CRTC3: variants seen among roughly 807,000 people sequenced by gnomAD.
The protein encoded by CRTC3 is CREB-regulated transcription coactivator 3.
CRTC3 carries 26 observed loss-of-function variants against 74.5 expected under a neutral mutation model. The ratio of observed to expected loss-of-function variants is 0.35; its 90% confidence interval spans 0.26 to 0.48. CRTC3 has a LOEUF of 0.48. CRTC3 is among the 20% of genes least tolerant of loss of function. The pLI, the probability that CRTC3 is intolerant of heterozygous loss-of-function variation, is 0.99. For synonymous variants in CRTC3, 377 were observed against 325.8 expected (o/e 1.16, Z -1.69); for missense variants, 760 against 787.3 (o/e 0.97, Z 0.41).
intron 2 of CRTC3, among the ~76,000 whole-genome samples, chr15:90,582,985 T>C (rs1184109644): frequency 1.3e-5 from 2 of 152,136 alleles, no homozygotes; most frequent in Non-Finnish European, 1.5e-5. Context: ...CTGGGCGTGT[T>C]TTATGCATTG....
intron 1 of CRTC3, among the ~76,000 whole-genome samples, chr15:90,539,267 GA>G (rs1393570407): frequency 2.6e-5 from 4 of 152,118 alleles, no homozygotes; most frequent in African/African-American, 2.4e-5. Flanking sequence ...ATTGCTTTTT[GA>G]AAAATGAAGT....
intron 2 of CRTC3, among the ~76,000 whole-genome samples, chr15:90,555,595 G>T (rs1483715684): frequency 6.6e-6 from 1 of 152,008 alleles, no homozygotes; most frequent in Non-Finnish European, 1.5e-5. Flanking sequence ...TTGGCTAACC[G>T]CAACCTCTGC....
intron 2 of CRTC3, among the ~76,000 whole-genome samples, chr15:90,584,091 C>G (rs1228736421): frequency 1.3e-5 from 2 of 152,070 alleles, no homozygotes; most frequent in African/African-American, 4.8e-5. Flanking sequence ...ACAGTTGTTC[C>G]TTTGTTATTT....
At chr15:90,556,958 C>CTA (rs6145675) in intron 2 of CRTC3, among the ~76,000 whole-genome samples, 6,093 of 129,028 alleles carry the variant, frequency 0.047, 155 homozygotes, top group Admixed American at 0.063. Context: ...CACCACATGG[C>CTA]TATATATATA....
intron 11 of CRTC3, among the ~76,000 whole-genome samples, chr15:90,631,745 G>A (rs1969047004): frequency 2.2e-5 from 3 of 137,474 alleles, no homozygotes; most frequent in Non-Finnish European, 3.1e-5. Flanking sequence ...AAAAAAATTA[G>A]AATTAAAAAA....
At chr15:90,622,474 G>A (rs1027961494) in intron 9 of CRTC3, among the ~76,000 whole-genome samples, 11 of 152,142 alleles carry the variant, frequency 7.2e-5, no homozygotes, top group Non-Finnish European at 1.3e-4. Flanking sequence ...CTGCTGTCAC[G>A]TTGAGGGCTC....
intron 2 of CRTC3, among the ~76,000 whole-genome samples, chr15:90,579,469 T>C (rs971775069): frequency 6.6e-5 from 10 of 152,152 alleles, no homozygotes; most frequent in African/African-American, 2.4e-4. Context: ...GGCTGGTTTA[T>C]AGGGAAGGAA....
rs952991894 is a variant in CRTC3, at chr15:90,644,270, T to C, written c.*2130T>C. 3.9e-5 allele frequency: 9 copies of C among 228,988 alleles called. No individual in the cohort carries two copies. Among genetic ancestry groups the C allele is most frequent in the African/African-American group, 6.7e-5 (3 of 45,094 alleles). The allele number at this position is 228,988 out of a possible 1,614,324, so 14.2% of individuals were successfully genotyped here. A position where few individuals can be genotyped will look rare whatever the true frequency, so the allele number is the denominator to read the frequency against. ...AGTCGCAATGCTACCCAGCACCCCA[T>C]GTGCCAAAAGAAACCAGCTCCTGTG... On this transcript the variant is annotated 3_prime_UTR_variant, in exon 15 of 15. Coordinates refer to ENST00000268184, the MANE Select transcript of CRTC3 (RefSeq NM_022769.5).
chr15:90,555,736 G>A (rs993506888), intron 2 of CRTC3, among the ~76,000 whole-genome samples: 4 of 152,016 alleles, frequency 2.6e-5, no homozygotes, highest in African/African-American at 7.2e-5. Flanking sequence ...AGGCTGGTCC[G>A]AAACTCCTGA....
intron 2 of CRTC3, among the ~76,000 whole-genome samples, chr15:90,568,155 C>G (rs1408021856): frequency 2.0e-5 from 3 of 152,142 alleles, no homozygotes; most frequent in African/African-American, 4.8e-5. Flanking sequence ...GAAGTGGAGC[C>G]TGAAGATGTG....
intron 2 of CRTC3, among the ~76,000 whole-genome samples, chr15:90,581,543 A>T (rs565704835): frequency 3.9e-5 from 6 of 152,248 alleles, no homozygotes; most frequent in South Asian, 2.1e-4. Flanking sequence ...TTTGGCATAT[A>T]TGTAGAAGTT....
chr15:90,589,154 T>C (rs1357754666), intron 2 of CRTC3, among the ~76,000 whole-genome samples: 1 of 151,558 alleles, frequency 6.6e-6, no homozygotes, highest in African/African-American at 2.4e-5. Flanking sequence ...CCTCCCGGGT[T>C]CAAGCGATTC....
chr15:90,618,054 A>G, intron 8 of CRTC3, 86 bp downstream of exon 8: 1 of 827,556 alleles, frequency 1.2e-6, no homozygotes, highest in Non-Finnish European at 2.1e-6. Context: ...GGTGAAAGCA[A>G]GAGGAACTGG....
chr15:90,561,972 CT>C (rs1018116984), intron 2 of CRTC3, among the ~76,000 whole-genome samples: 1 of 152,202 alleles, frequency 6.6e-6, no homozygotes, highest in African/African-American at 2.4e-5. Context: ...AATTATTTCC[CT>C]GCTCAAAGGC....
At chr15:90,611,303 G>A (rs765493734) in intron 6 of CRTC3, among the ~76,000 whole-genome samples, 10 of 152,126 alleles carry the variant, frequency 6.6e-5, no homozygotes, top group Non-Finnish European at 1.2e-4. Flanking sequence ...GCACACAGAA[G>A]GAACATGGTC....
chr15:90,592,372 C>T (rs1222422380), intron 2 of CRTC3, among the ~76,000 whole-genome samples: 4 of 152,292 alleles, frequency 2.6e-5, no homozygotes, highest in East Asian at 3.9e-4. Context: ...TTGTCAGTAA[C>T]ACCTTAATGC....
At chr15:90,600,313 GTATT>G (rs1198221512) in intron 3 of CRTC3, 2 of 152,170 alleles carry the variant, frequency 1.3e-5, no homozygotes, top group Non-Finnish European at 2.9e-5. Context: ...TCCAGATTCT[GTATT>G]TATTTGAGCT....
chr15:90,546,771 C>T (rs560773503), intron 2 of CRTC3, among the ~76,000 whole-genome samples: 2 of 152,258 alleles, frequency 1.3e-5, no homozygotes, highest in African/African-American at 2.4e-5. Context: ...TACAGGTGCC[C>T]GCCACCACGC....
In CRTC3 at chr15:90,638,615, C is replaced by T. The variant is rs1161597681; in HGVS notation, c.1436C>T (p.Pro479Leu). Residue 479 changes from proline to leucine, a missense_variant, in exon 12 of 15, where the codon CCA becomes CTA. This residue lies in a region of CRTC3 where 652 missense variants were observed against 635.2 expected (regional missense o/e 1.03). Coordinates refer to ENST00000268184, the MANE Select transcript of CRTC3 (RefSeq NM_022769.5). ...AQQPQAASSL[P>L]QSDFQLLPAQ... ...CAGCCCCAGGCAGCCTCCTCACTGC[C>T]ACAGTCAGACTTTCAGCTTCTCCCG... 6.2e-7 allele frequency: 1 copy of T among 1,613,496 alleles called. No individual in the cohort carries two copies. The highest frequency in any genetic ancestry group is 1.1e-5 in the South Asian group (1 of 91,078).
Sources: allele counts gnomAD v4.1 joint callset (sites outside exome capture counted in the v4.1 genomes callset), GRCh38; gene constraint gnomAD v4.1.1; regional missense constraint gnomAD v4.1.1; transcripts MANE v1.5; gene names NCBI Gene and HGNC (gene_info 2026-07-23, HGNC 2026-07-21).